LINGO1: variants seen among roughly 807,000 people sequenced by gnomAD.
LINGO1 encodes leucine-rich repeat and immunoglobulin-like domain-containing nogo receptor-interacting protein 1.
Under a neutral mutation model 37.3 loss-of-function variants are expected in LINGO1, and 11 were observed. That is an observed-to-expected ratio of 0.29 (90% CI 0.19 to 0.49). The LOEUF is 0.49. LINGO1 is among the 20% of genes least tolerant of loss of function. LINGO1 has a pLI of 0.99. For synonymous variants in LINGO1, 387 were observed against 403.0 expected, an observed-to-expected ratio of 0.96 and a Z score of 0.48; for missense variants, 585 against 878.2, an observed-to-expected ratio of 0.67 and a Z score of 4.22.
intron 2 of LINGO1, among the ~76,000 whole-genome samples, chr15:77,705,174 GAC>G (rs72451354): frequency 0.012 from 1,157 of 98,788 alleles, 27 homozygotes; most frequent in African/African-American, 0.033. Flanking sequence ...CCCCTGCCAT[GAC>G]ACACACACAC....
At chr15:77,712,933 T>A (rs533545614) in intron 2 of LINGO1, among the ~76,000 whole-genome samples, 8 of 152,284 alleles carry the variant, frequency 5.3e-5, no homozygotes, top group African/African-American at 1.9e-4. Context: ...TGTCTCTCCC[T>A]CTTTTCTGGG....
chr15:77,774,527 G>A (rs1034879657), intron 1 of LINGO1, among the ~76,000 whole-genome samples: 2 of 152,112 alleles, frequency 1.3e-5, no homozygotes, highest in African/African-American at 2.4e-5. Context: ...GTGGGATCAC[G>A]CATGGCTGCC....
chr15:77,797,737 C>T (rs2076884973), intron 1 of LINGO1, among the ~76,000 whole-genome samples: 1 of 152,250 alleles, frequency 6.6e-6, no homozygotes, highest in Non-Finnish European at 1.5e-5. Flanking sequence ...CAGGGGCATT[C>T]ACAAGGCCTT....
intron 1 of LINGO1, among the ~76,000 whole-genome samples, chr15:77,736,424 T>G (rs761087673): frequency 2.6e-5 from 4 of 152,220 alleles, no homozygotes; most frequent in Non-Finnish European, 5.9e-5. Context: ...ATCCTATTAA[T>G]AGATCCCTAA....
rs570032559 is a variant in LINGO1 at position 77,779,822 on chromosome 15, G to A, written c.-257+7047C>T. On this transcript the variant is annotated intron_variant, in intron 1 of 3. Coordinates refer to the LINGO1 transcript ENST00000561686. ...CAAGCTCCATGATGACAGCCTCCCAGATCCTAAAACAGTGCCTGGACTAGG... is the reference window on the plus strand; with the variant it reads ...CAAGCTCCATGATGACAGCCTCCCAAATCCTAAAACAGTGCCTGGACTAGG... Among the ~76,000 whole-genome samples, 25 of 152,268 alleles carry A rather than the reference G, an allele frequency of 1.6e-4. No homozygotes were observed. In the East Asian group the frequency reaches 4.4e-3, roughly 27 times the overall value.
chr15:77,772,751 C>T (rs2076598522), intron 1 of LINGO1, among the ~76,000 whole-genome samples: 1 of 152,098 alleles, frequency 6.6e-6, no homozygotes, highest in Non-Finnish European at 1.5e-5. Context: ...TCCCTGTGGA[C>T]AGTAATAAAG....
Position 77,614,595 on chromosome 15 carries a change from C to T in LINGO1, c.1312G>A (p.Glu438Lys). ...DRKAQQVFVD[E>K]GHTVQFVCRA... ...CACACAAACTGCACCGTGTGGCCCTCGTCCACAAACACCTGCTGGGCCTTG... is the reference window on the plus strand; with the variant it reads ...CACACAAACTGCACCGTGTGGCCCTTGTCCACAAACACCTGCTGGGCCTTG... Residue 438 changes from glutamate (E) to lysine (K), a missense_variant, in exon 2 of 2, where the codon GAG becomes AAG. Physicochemically the swap from Glu to Lys is moderately conservative, Grantham distance 56. Transcript: ENST00000355300. The T allele has an allele frequency of 6.2e-7, 1 of 1,610,982 alleles. No homozygotes were observed.
At chr15:77,621,357 G>A (rs773408287) in intron 1 of LINGO1, among the ~76,000 whole-genome samples, 16 of 152,214 alleles carry the variant, frequency 1.1e-4, no homozygotes, top group Non-Finnish European at 1.3e-4. Flanking sequence ...GCCCAGCTGA[G>A]GTTTGGGGCT....
At chr15:77,709,682 AGCTTTCCAGTGGCGCTGCAGGCCCACT>A (rs1168901316) in intron 2 of LINGO1, among the ~76,000 whole-genome samples, 1 of 152,236 alleles carries the variant, frequency 6.6e-6, no homozygotes, top group Non-Finnish European at 1.5e-5. Context: ...TCTCTCCTGA[AGCTTTCCAGTGGCGCTGCAGGCCCACT>A]GCTTTGATGT....
At chr15:77,756,641 C>T (rs529441766) in intron 1 of LINGO1, among the ~76,000 whole-genome samples, 28 of 152,330 alleles carry the variant, frequency 1.8e-4, no homozygotes, top group African/African-American at 6.5e-4. Flanking sequence ...ACCATTTTCC[C>T]GCATCTGGCG....
chr15:77,707,775 G>A (rs4886897), intron 2 of LINGO1, among the ~76,000 whole-genome samples: 23,363 of 152,150 alleles, frequency 0.15, 2,148 homozygotes, highest in Admixed American at 0.3. Flanking sequence ...GAGAACCCCT[G>A]GGGAAGGCTC....
intron 1 of LINGO1, among the ~76,000 whole-genome samples, chr15:77,780,968 G>T (rs1223762915): frequency 6.6e-6 from 1 of 152,250 alleles, no homozygotes; most frequent in Non-Finnish European, 1.5e-5. Context: ...GATAGATGAA[G>T]AAGTCAAGGA....
intron 2 of LINGO1, among the ~76,000 whole-genome samples, chr15:77,685,533 A>G (rs911727679): frequency 2.6e-5 from 4 of 152,126 alleles, no homozygotes; most frequent in African/African-American, 9.7e-5. Flanking sequence ...ATCCCAGAGT[A>G]GGTATTCAAA....
chr15:77,616,394 C>G (rs2073722046), intron 1 of LINGO1, among the ~76,000 whole-genome samples: 1 of 152,206 alleles, frequency 6.6e-6, no homozygotes, highest in Admixed American at 6.5e-5. Flanking sequence ...CTACCCCTAG[C>G]CTGCACGGCC....
At chr15:77,811,945 T>TAA (rs5813884) in intron 1 of LINGO1, among the ~76,000 whole-genome samples, 3 of 142,466 alleles carry the variant, frequency 2.1e-5, no homozygotes, top group African/African-American at 7.8e-5. Flanking sequence ...CCAACAAAAT[T>TAA]AAAAAAAAAA....
chr15:77,698,652 G>A (rs2075727986), upstream of LINGO1, among the ~76,000 whole-genome samples: 1 of 152,338 alleles, frequency 6.6e-6, no homozygotes, highest in African/African-American at 2.4e-5. Context: ...AAACCAGAGA[G>A]ACATAGTGGG....
intron 2 of LINGO1, among the ~76,000 whole-genome samples, chr15:77,722,861 G>T (rs12915704): frequency 0.39 from 59,377 of 151,958 alleles, 12,028 homozygotes; most frequent in East Asian, 0.48. Flanking sequence ...TAACCCAGGG[G>T]TGCACTCTCC....
Position 77,716,967 on chromosome 15 carries a change from C to T in LINGO1, c.-195+18025G>A, listed in dbSNP as rs146564642. 1.4e-3 allele frequency among the ~76,000 whole-genome samples: 214 copies of T among 149,960 alleles called. 5 individuals are homozygous for T. Among genetic ancestry groups the T allele is most frequent in the African/African-American group, 5.0e-3 (208 of 41,248 alleles). On this transcript the variant is annotated intron_variant, in intron 2 of 3. Coordinates refer to the LINGO1 transcript ENST00000561686. ...TTATTCTCACTTGCATTTAGCAGGA[C>T]GTAGATAAAAAGAGAAGAGAAAACA... is the stretch of plus-strand genomic sequence containing the variant.
In LINGO1 at chr15:77,619,909, C is replaced by T. The variant is rs557075007; in HGVS notation, c.7-4009G>A. 2.2e-4 allele frequency among the ~76,000 whole-genome samples: 34 copies of T among 152,216 alleles called. 1 individual carries two copies. Among genetic ancestry groups the T allele is most frequent in the Admixed American group, 1.8e-3 (27 of 15,292 alleles). On this transcript the variant is annotated intron_variant, in intron 1 of 1. Transcript: ENST00000355300. ...TGCCTCATCTCATGCCTCTTACATG[C>T]GGCTGCCCTAACGGTGGGGAAGCTG...
Sources: allele counts gnomAD v4.1 joint callset (sites outside exome capture counted in the v4.1 genomes callset), GRCh38; gene constraint gnomAD v4.1.1; transcripts MANE v1.5; gene names NCBI Gene and HGNC (gene_info 2026-07-23, HGNC 2026-07-21).